The following EVI5 variants were observed in gnomAD, a reference collection of about 807,000 sequenced individuals.
The protein encoded by EVI5 is ecotropic viral integration site 5 protein homolog.
A neutral mutation model predicts 112.0 loss-of-function variants in EVI5; 73 were observed. The observed-to-expected ratio is 0.65, with a 90% CI of 0.54 to 0.79. EVI5 has a LOEUF of 0.79. Ranked by LOEUF, EVI5 falls within the 30% of genes least tolerant of loss-of-function variation. EVI5 has a pLI of 0.00. For missense variants in EVI5, 900 were observed against 968.8 expected (o/e 0.93, Z 0.94); for synonymous variants, 305 against 319.9 (o/e 0.95, Z 0.50).
intron 13 of EVI5, among the ~76,000 whole-genome samples, chr1:92,650,636 TG>T (rs1252201705): frequency 6.6e-6 from 1 of 152,116 alleles, no homozygotes. Context: ...TTGATATGGT[TG>T]GAATAAAATC....
intron 14 of EVI5, among the ~76,000 whole-genome samples, chr1:92,635,257 C>T (rs182481414): frequency 2.7e-3 from 417 of 152,308 alleles, no homozygotes; most frequent in Middle Eastern, 3.4e-3. Context: ...ACTTTTGATT[C>T]GCTATGCCCT....
At chr1:92,743,322 C>T (rs1678722419) in intron 1 of EVI5, among the ~76,000 whole-genome samples, 1 of 151,942 alleles carries the variant, frequency 6.6e-6, no homozygotes, top group African/African-American at 2.4e-5. Flanking sequence ...CACTGCACTC[C>T]AGCCTGGCGA....
At chr1:92,719,975 G>A (rs1305334567) in intron 2 of EVI5, among the ~76,000 whole-genome samples, 1 of 152,018 alleles carries the variant, frequency 6.6e-6, no homozygotes, top group African/African-American at 2.4e-5. Flanking sequence ...CAAGGGATGT[G>A]AAGGACCTCT....
intron 18 of EVI5, among the ~76,000 whole-genome samples, chr1:92,572,825 T>C (rs750050261): frequency 3.3e-5 from 5 of 152,182 alleles, no homozygotes; most frequent in Middle Eastern, 3.4e-3. Context: ...CACTATGATA[T>C]ATGAATATAA....
At chr1:92,687,009 T>G (rs1421159615) in intron 9 of EVI5, among the ~76,000 whole-genome samples, 4 of 152,200 alleles carry the variant, frequency 2.6e-5, no homozygotes, top group African/African-American at 9.7e-5. Context: ...AAGCTACCAC[T>G]GGTTTTCTTC....
At chr1:92,573,921 G>A (rs899061362) in intron 18 of EVI5, among the ~76,000 whole-genome samples, 41 of 152,052 alleles carry the variant, frequency 2.7e-4, no homozygotes, top group Admixed American at 6.6e-5. Context: ...AACATTTGGG[G>A]ACCAGCAAAA....
At chr1:92,539,460 G>A (rs1165128902) in intron 19 of EVI5, among the ~76,000 whole-genome samples, 2 of 151,090 alleles carry the variant, frequency 1.3e-5, no homozygotes, top group Admixed American at 6.6e-5. Context: ...GGAGGATGGC[G>A]GGAACCCGGG....
chr1:92,770,706 T>C (rs72956082), intron 1 of EVI5, among the ~76,000 whole-genome samples: 151,151 of 151,612 alleles, frequency 1, 75,349 homozygotes, highest in Middle Eastern at 1. Context: ...AGGAGAATGG[T>C]GTGAACCCGG....
rs549929910 is a variant in EVI5 at position 92,546,972 on chromosome 1, T to G, written c.2166+16670A>C. ...AAAGTTAACAAGGATATCCAGGAAT[T>G]GAACTCAGCTCTGCACCAAGCGAAC... is the stretch of plus-strand genomic sequence containing the variant. On this transcript the variant is annotated intron_variant, in intron 19 of 19. Transcript: ENST00000684568. Among the ~76,000 whole-genome samples the G allele has an allele frequency of 1.6e-3, 251 of 152,274 alleles. 2 individuals carry two copies. The highest frequency in any genetic ancestry group is 5.7e-3 in the African/African-American group (236 of 41,536).
intron 2 of EVI5, among the ~76,000 whole-genome samples, chr1:92,722,163 T>G (rs1674852231): frequency 6.6e-6 from 1 of 152,172 alleles, no homozygotes; most frequent in African/African-American, 2.4e-5. Flanking sequence ...CTTTTTTTTG[T>G]GGTAAGAACA....
rs1413030636 is a variant in EVI5, at chr1:92,727,969, G to A, written c.149+8429C>T. On this transcript the variant is annotated intron_variant, in intron 2 of 19. Coordinates refer to ENST00000684568, the MANE Select transcript of EVI5 (RefSeq NM_001350197.2). Reference sequence around the variant, plus strand: ...TGATCATACCATTGCACTCCAGCCTGGGTGACAGAGTGCGACCCTGTCTCA... The same window carrying A: ...TGATCATACCATTGCACTCCAGCCTAGGTGACAGAGTGCGACCCTGTCTCA... Among the ~76,000 whole-genome samples the A allele has an allele frequency of 4.0e-5, 6 of 151,018 alleles. No individual in the cohort carries two copies. The East Asian group carries it at 1.2e-3, about 29-fold the overall frequency.
intron 13 of EVI5, among the ~76,000 whole-genome samples, chr1:92,661,092 T>G (rs1474996611): frequency 2.0e-5 from 3 of 151,976 alleles, no homozygotes; most frequent in Non-Finnish European, 4.4e-5. Flanking sequence ...TAGAATCTAG[T>G]TCCATAAATA....
rs1394563733 is a variant in EVI5 at position 92,662,714 on chromosome 1, C to T, written c.1392+5G>A. ...AGATGAGAAAAGCACTACCAGACTCCTTACCCATTGTTGTTGGTGCTGGAG... is the reference window on the plus strand; with the variant it reads ...AGATGAGAAAAGCACTACCAGACTCTTTACCCATTGTTGTTGGTGCTGGAG... On this transcript the variant is annotated splice_donor_5th_base_variant and intron_variant, in intron 13 of 19. Coordinates refer to ENST00000684568, the MANE Select transcript of EVI5 (RefSeq NM_001350197.2). The T allele has an allele frequency of 8.0e-7, 1 of 1,251,572 alleles. No individual in the cohort carries two copies. Among genetic ancestry groups the T allele is most frequent in the Non-Finnish European group, 1.0e-6 (1 of 971,802 alleles). 77.5% of individuals were successfully genotyped at this position (1,251,572 alleles called of 1,614,324 possible). A position where few individuals can be genotyped will look rare whatever the true frequency, so the allele number is the denominator to read the frequency against.
intron 18 of EVI5, among the ~76,000 whole-genome samples, chr1:92,589,743 T>C (rs1218227351): frequency 6.6e-6 from 1 of 152,208 alleles, no homozygotes; most frequent in Admixed American, 6.5e-5. Flanking sequence ...TAAATGTCCC[T>C]GTCTGACAGC....
rs111235029 is a variant in EVI5 at position 92,694,037 on chromosome 1, G to A, written c.1000-138C>T. 7.5e-3 allele frequency: 5,021 copies of A among 667,430 alleles called. 199 individuals are homozygous for A. The African/African-American group carries it at 0.081, about 11-fold the overall frequency. 41.3% of individuals were successfully genotyped at this position (667,430 alleles called of 1,614,324 possible). A position where few individuals can be genotyped will look rare whatever the true frequency, so the allele number is the denominator to read the frequency against. Reference sequence around the variant, plus strand: ...AGCATTTTGGGAGGCCAAGGCAGGCGGATCACTTCAGGTCAGGAGTTCAAG... The same window carrying A: ...AGCATTTTGGGAGGCCAAGGCAGGCAGATCACTTCAGGTCAGGAGTTCAAG... On this transcript the variant is annotated intron_variant, in intron 8 of 19. Coordinates refer to ENST00000684568, the MANE Select transcript of EVI5 (RefSeq NM_001350197.2).
chr1:92,746,962 A>G (rs1679346515), intron 1 of EVI5, among the ~76,000 whole-genome samples: 1 of 151,992 alleles, frequency 6.6e-6, no homozygotes, highest in Admixed American at 6.6e-5. Flanking sequence ...ATTATTATAT[A>G]TTGTTACCCA....
chr1:92,735,390 G>A (rs1677152549), intron 2 of EVI5, among the ~76,000 whole-genome samples: 2 of 151,824 alleles, frequency 1.3e-5, no homozygotes, highest in African/African-American at 4.8e-5. Context: ...TAATGGAGAT[G>A]TTCATTTTCT....
At chr1:92,706,675 G>C (rs1672019735) in intron 2 of EVI5, among the ~76,000 whole-genome samples, 1 of 152,130 alleles carries the variant, frequency 6.6e-6, no homozygotes, top group Non-Finnish European at 1.5e-5. Context: ...GTGAATTCGT[G>C]GCATTCGTGG....
chr1:92,699,294 T>C (rs542295801), intron 5 of EVI5, among the ~76,000 whole-genome samples: 42 of 152,284 alleles, frequency 2.8e-4, no homozygotes, highest in Middle Eastern at 3.4e-3. Flanking sequence ...TCATCCTAAA[T>C]GATTTTACTG....
Sources: gnomAD v4.1 joint callset for allele counts (sites outside exome capture counted in the v4.1 genomes callset) on GRCh38, gnomAD v4.1.1 for gene constraint, MANE v1.5 for transcripts, NCBI Gene and HGNC (gene_info 2026-07-23, HGNC 2026-07-21) for gene names.